Variants in KIF3B observed in about 807,000 individuals in gnomAD.
KIF3B encodes the protein kinesin-like protein KIF3B.
A neutral mutation model predicts 74.3 loss-of-function variants in KIF3B; 38 were observed. That is an observed-to-expected ratio of 0.51 (90% confidence interval 0.39 to 0.67). KIF3B has a LOEUF of 0.67. Ranked by LOEUF, KIF3B falls within the 30% of genes least tolerant of loss-of-function variation. The pLI, the probability that KIF3B is intolerant of heterozygous loss-of-function variation, is 0.00. For synonymous variants in KIF3B, 326 were observed against 342.5 expected (o/e 0.95, Z 0.53); for missense variants, 649 against 932.0 (o/e 0.70, Z 3.95).
At chr20:32,308,331 C>T (rs148562893) in intron 1 of KIF3B, among the ~76,000 whole-genome samples, 4 of 151,766 alleles carry the variant, frequency 2.6e-5, no homozygotes, top group Non-Finnish European at 4.4e-5. Flanking sequence ...TCAAGCAATC[C>T]TTCTTCCTCA....
intron 1 of KIF3B, among the ~76,000 whole-genome samples, chr20:32,305,570 CTTTTTTTTTTTT>C (rs869049527): frequency 1.2e-5 from 1 of 86,906 alleles, no homozygotes; most frequent in Non-Finnish European, 2.1e-5. Context: ...ACTCCCCCAC[CTTTTTTTTTTTT>C]TTTTTTTTTT....
chr20:32,311,811 T>C, intron 2 of KIF3B, among the ~76,000 whole-genome samples: 1 of 149,896 alleles, frequency 6.7e-6, no homozygotes, highest in South Asian at 2.1e-4. Context: ...TCTTTTTTTT[T>C]TTTTTTTTGA....
intron 7 of KIF3B, among the ~76,000 whole-genome samples, chr20:32,328,780 C>G (rs1037699093): frequency 6.6e-6 from 1 of 152,108 alleles, no homozygotes; most frequent in Non-Finnish European, 1.5e-5. Context: ...CAGGTACTTT[C>G]ATCTCACAAA....
intron 7 of KIF3B, 41 bp from the exon 8 acceptor site, chr20:32,330,100 G>C (rs1195501084): frequency 6.3e-7 from 1 of 1,584,990 alleles, no homozygotes; most frequent in Non-Finnish European, 8.6e-7. Context: ...CCTGTGTCCA[G>C]TTGGAGGCTA....
chr20:32,293,739 CA>C (rs1413408575), intron 1 of KIF3B, among the ~76,000 whole-genome samples: 1 of 151,978 alleles, frequency 6.6e-6, no homozygotes, highest in Non-Finnish European at 1.5e-5. Flanking sequence ...GGTTTAAAAG[CA>C]AAAGATGAAG....
At chr20:32,290,091 A>G (rs1449458047) in intron 1 of KIF3B, among the ~76,000 whole-genome samples, 1 of 152,110 alleles carries the variant, frequency 6.6e-6, no homozygotes, top group Non-Finnish European at 1.5e-5. Flanking sequence ...ACTTTCACAG[A>G]GCCTCAGAAC....
chr20:32,332,427 T>C lies in KIF3B; in HGVS notation c.*1108T>C, dbSNP rs977581023. The C allele has an allele frequency of 3.9e-5, 6 of 152,282 alleles. No homozygotes were observed. The highest frequency in any genetic ancestry group is 1.4e-4 in the African/African-American group (6 of 41,452). 9.4% of individuals were successfully genotyped at this position (152,282 alleles called of 1,614,324 possible). A position where few individuals can be genotyped will look rare whatever the true frequency, so the allele number is the denominator to read the frequency against. ...GGAAGCAAAGGAATCCTGCCTGCCT[T>C]CAGCAGAGAATTCACCGAATCCTAG... On this transcript the variant is annotated 3_prime_UTR_variant, in exon 9 of 9. Transcript: ENST00000375712.
intron 1 of KIF3B, among the ~76,000 whole-genome samples, chr20:32,307,989 C>CT (rs2047780434): frequency 6.6e-6 from 1 of 150,902 alleles, no homozygotes; most frequent in African/African-American, 2.4e-5. Context: ...AATCCTAGCA[C>CT]TTTGAGAGAA....
chr20:32,289,148 G>T (rs1336722249), intron 1 of KIF3B, among the ~76,000 whole-genome samples: 1 of 142,728 alleles, frequency 7.0e-6, no homozygotes, highest in Non-Finnish European at 1.5e-5. Flanking sequence ...ACTCTCTCTT[G>T]GTTCTTCTGA....
Position 32,309,858 on chromosome 20 carries a change from G to A in KIF3B, c.81G>A (p.Ser27=), listed in dbSNP as rs755906082. Reference sequence around the variant, plus strand: ...TGAATGGCAAGGAAAAGGCTGCTTCGTATGACAAAGTGGTGGATGTGGATG... The same window carrying A: ...TGAATGGCAAGGAAAAGGCTGCTTCATATGACAAAGTGGTGGATGTGGATG... ...RPMNGKEKAA[S]YDKVVDVDVK... is the part of the protein sequence containing the mutation. Residue 27 remains serine (S), a synonymous_variant, in exon 2 of 9, where the codon TCG becomes TCA. Transcript: ENST00000375712. 2.6e-5 allele frequency: 42 copies of A among 1,614,038 alleles called. No individual in the cohort carries two copies. The Admixed American group carries it at 4.0e-4, about 15-fold the overall frequency.
chr20:32,290,067 C>T (rs921389493), intron 1 of KIF3B, among the ~76,000 whole-genome samples: 1 of 152,042 alleles, frequency 6.6e-6, no homozygotes, highest in African/African-American at 2.4e-5. Context: ...GAAATCAGCT[C>T]CGAGGGGTAA....
At chr20:32,282,113 T>C (rs2047645957) in intron 1 of KIF3B, among the ~76,000 whole-genome samples, 1 of 152,140 alleles carries the variant, frequency 6.6e-6, no homozygotes, top group South Asian at 2.1e-4. Flanking sequence ...CACTCTGGCC[T>C]CTTTGTGGCA....
chr20:32,287,872 C>CTT (rs10699896), intron 1 of KIF3B, among the ~76,000 whole-genome samples: 1,470 of 47,504 alleles, frequency 0.031, 520 homozygotes, highest in African/African-American at 0.11. Flanking sequence ...CTAAAAGTAT[C>CTT]TTTTTTTTTT....
At chr20:32,299,207 C>T (rs2047729985) in intron 1 of KIF3B, among the ~76,000 whole-genome samples, 1 of 151,412 alleles carries the variant, frequency 6.6e-6, no homozygotes, top group African/African-American at 2.4e-5. Flanking sequence ...ACTCTATTCA[C>T]CTCTATAGTT....
chr20:32,324,136 A>G (rs1320627025), intron 5 of KIF3B, among the ~76,000 whole-genome samples: 2 of 151,894 alleles, frequency 1.3e-5, no homozygotes, highest in Admixed American at 6.6e-5. Flanking sequence ...GAAGAAATAT[A>G]CTACATTCTG....
At chr20:32,316,956 C>T in intron 5 of KIF3B, 82 bp downstream of exon 5, 1 of 1,108,056 alleles carries the variant, frequency 9.0e-7, no homozygotes, top group East Asian at 2.4e-5. Flanking sequence ...ACAGCCCTGG[C>T]TGGGCTTGGT....
chr20:32,288,267 T>C (rs1342241387), intron 1 of KIF3B, among the ~76,000 whole-genome samples: 4 of 152,044 alleles, frequency 2.6e-5, no homozygotes, highest in African/African-American at 9.7e-5. Flanking sequence ...AGTGGGAAGA[T>C]TGCTTGAGGC....
At chr20:32,279,720 TC>T (rs1199785921) in intron 1 of KIF3B, among the ~76,000 whole-genome samples, 1 of 152,204 alleles carries the variant, frequency 6.6e-6, no homozygotes, top group Non-Finnish European at 1.5e-5. Context: ...TGCCTTGGCC[TC>T]CCAAAGGACT....
chr20:32,291,868 C>T (rs1027130201), intron 1 of KIF3B, among the ~76,000 whole-genome samples: 1 of 152,042 alleles, frequency 6.6e-6, no homozygotes, highest in Admixed American at 6.6e-5. Context: ...GCACCCTCCT[C>T]GGCCTCCCAA....
Sources: allele counts gnomAD v4.1 joint callset (sites outside exome capture counted in the v4.1 genomes callset), GRCh38; gene constraint gnomAD v4.1.1; transcripts MANE v1.5; gene names NCBI Gene and HGNC (gene_info 2026-07-23, HGNC 2026-07-21).